The following SUGCT variants were observed in gnomAD, a reference collection of about 807,000 sequenced individuals.
SUGCT encodes the protein succinyl-CoA:glutarate CoA-transferase.
In SUGCT, 41 loss-of-function variants were observed where a neutral mutation model predicts 55.0. The ratio of observed to expected loss-of-function variants is 0.74; its 90% CI spans 0.58 to 0.97. SUGCT has a LOEUF of 0.97. SUGCT is among the 50% of genes least tolerant of loss of function. SUGCT has a pLI of 0.00. For synonymous variants in SUGCT, 187 were observed against 200.4 expected, an observed-to-expected ratio of 0.93 and a Z score of 0.56; for missense variants, 568 against 547.8, an observed-to-expected ratio of 1.04 and a Z score of -0.37.
chr7:40,805,775 T>G (rs1380873096), intron 13 of SUGCT, among the ~76,000 whole-genome samples: 3 of 152,170 alleles, frequency 2.0e-5, no homozygotes, highest in Non-Finnish European at 4.4e-5. Flanking sequence ...GCCTTGAACC[T>G]CCCTCAAGGT....
Position 40,352,900 on chromosome 7 carries a change from A to G in SUGCT, c.816+36045A>G, listed in dbSNP as rs920096024. Among the ~76,000 whole-genome samples, 4 of 152,296 alleles carry G rather than the reference A, an allele frequency of 2.6e-5. No homozygotes were observed. In the East Asian group the frequency reaches 7.7e-4, roughly 29 times the overall value. On this transcript the variant is annotated intron_variant, in intron 9 of 13. Coordinates refer to ENST00000335693, the MANE Select transcript of SUGCT (RefSeq NM_001193313.2). ...ACTAATTTGCATTCTCATCAACAGTATAAGTGTTCCCTTTTCTCTACAACT... is the reference window on the plus strand; with the variant it reads ...ACTAATTTGCATTCTCATCAACAGTGTAAGTGTTCCCTTTTCTCTACAACT...
chr7:40,930,725 C>T, the SUGCT span, among the ~76,000 whole-genome samples: 1 of 152,120 alleles, frequency 6.6e-6, no homozygotes, highest in African/African-American at 2.4e-5. Flanking sequence ...CTCTGTTTGT[C>T]TGTTATTGGT....
intron 9 of SUGCT, among the ~76,000 whole-genome samples, chr7:40,352,084 C>T (rs1437063167): frequency 6.6e-6 from 1 of 152,158 alleles, no homozygotes; most frequent in African/African-American, 2.4e-5. Context: ...TGCTGCATCA[C>T]GTGAGAACTT....
the SUGCT span, among the ~76,000 whole-genome samples, chr7:41,014,289 C>T: frequency 6.6e-6 from 1 of 152,066 alleles, no homozygotes; most frequent in South Asian, 2.1e-4. Flanking sequence ...GGTGAATGGA[C>T]TGATTCAGTA....
the SUGCT span, chr7:40,979,509 A>T: frequency 6.6e-6 from 1 of 152,434 alleles, no homozygotes; most frequent in African/African-American, 2.4e-5. Flanking sequence ...TCCTGGAGAC[A>T]CTGCGGCTCA....
chr7:40,847,391 TACATTTCTTTTC>T, intron 13 of SUGCT, among the ~76,000 whole-genome samples: 1 of 149,164 alleles, frequency 6.7e-6, no homozygotes, highest in South Asian at 2.2e-4. Context: ...AGATGACATA[TACATTTCTTTTC>T]TTTCTTTCTT....
intron 13 of SUGCT, among the ~76,000 whole-genome samples, chr7:40,769,047 G>A (rs1347210163): frequency 6.6e-6 from 1 of 152,122 alleles, no homozygotes; most frequent in Non-Finnish European, 1.5e-5. Context: ...GATGTTAGAG[G>A]GAAAGGATTC....
intron 9 of SUGCT, among the ~76,000 whole-genome samples, chr7:40,367,277 A>AGGG (rs1280445057): frequency 2.5e-5 from 2 of 78,836 alleles, no homozygotes; most frequent in Non-Finnish European, 4.9e-5. Flanking sequence ...GGGTGGGGGG[A>AGGG]GGGGGGGAGG....
the SUGCT span, among the ~76,000 whole-genome samples, chr7:40,918,994 G>C: frequency 6.6e-6 from 1 of 152,200 alleles, no homozygotes; most frequent in African/African-American, 2.4e-5. Context: ...GTGGTGATGA[G>C]AGAAAAGTTA....
At chr7:40,714,564 A>T (rs1019648661) in intron 12 of SUGCT, among the ~76,000 whole-genome samples, 13 of 152,072 alleles carry the variant, frequency 8.5e-5, no homozygotes, top group African/African-American at 3.1e-4. Flanking sequence ...CCCAAATGAA[A>T]ACCATGTGCT....
intron 13 of SUGCT, among the ~76,000 whole-genome samples, chr7:40,763,648 T>C (rs531058618): frequency 1.3e-5 from 2 of 152,112 alleles, no homozygotes; most frequent in South Asian, 2.1e-4. Context: ...GAGAATGAGA[T>C]TGGCCAGGCT....
At chr7:40,784,588 T>A (rs963005180) in intron 13 of SUGCT, among the ~76,000 whole-genome samples, 1 of 152,148 alleles carries the variant, frequency 6.6e-6, no homozygotes, top group Non-Finnish European at 1.5e-5. Flanking sequence ...CCTTTCCAGT[T>A]CATCTTTTCT....
At chr7:40,266,897 C>T (rs1034899127) in intron 7 of SUGCT, among the ~76,000 whole-genome samples, 1 of 151,842 alleles carries the variant, frequency 6.6e-6, no homozygotes. Context: ...CATTTGTAGT[C>T]CCAAGCTACT....
At chr7:40,760,028 G>A (rs1277962615) in intron 13 of SUGCT, among the ~76,000 whole-genome samples, 1 of 152,130 alleles carries the variant, frequency 6.6e-6, no homozygotes, top group Non-Finnish European at 1.5e-5. Context: ...CAGAAATGCT[G>A]TTTGGAAGGG....
intron 12 of SUGCT, among the ~76,000 whole-genome samples, chr7:40,697,691 T>A (rs1784995075): frequency 6.6e-6 from 1 of 152,152 alleles, no homozygotes; most frequent in South Asian, 2.1e-4. Context: ...ATTGTGTGAT[T>A]CAGTTTCATT....
intron 13 of SUGCT, among the ~76,000 whole-genome samples, chr7:40,852,887 G>T (rs1430897527): frequency 2.0e-5 from 3 of 151,816 alleles, no homozygotes; most frequent in Non-Finnish European, 4.4e-5. Context: ...TTCATTGTTT[G>T]CCTCCCACAT....
intron 12 of SUGCT, among the ~76,000 whole-genome samples, chr7:40,542,685 C>G (rs1028430660): frequency 3.3e-5 from 5 of 152,034 alleles, no homozygotes; most frequent in African/African-American, 1.2e-4. Context: ...TTATAAGCAC[C>G]CTTTTAACTC....
At chr7:40,458,600 G>A (rs1478779281) in intron 10 of SUGCT, among the ~76,000 whole-genome samples, 1 of 152,086 alleles carries the variant, frequency 6.6e-6, no homozygotes, top group Admixed American at 6.6e-5. Context: ...ATTCTGCATA[G>A]GACAACCTGG....
At chr7:40,971,042 A>AT in the SUGCT span, among the ~76,000 whole-genome samples, 1 of 152,056 alleles carries the variant, frequency 6.6e-6, no homozygotes, top group Non-Finnish European at 1.5e-5. Flanking sequence ...TGGGTAATTT[A>AT]TTTTTTCAAA....
Sources: allele counts gnomAD v4.1 joint callset (sites outside exome capture counted in the v4.1 genomes callset), GRCh38; gene constraint gnomAD v4.1.1; transcripts MANE v1.5; gene names NCBI Gene and HGNC (gene_info 2026-07-23, HGNC 2026-07-21).